CSMD1: variants seen among roughly 807,000 people sequenced by gnomAD.
CSMD1 encodes the protein CUB and sushi domain-containing protein 1.
CSMD1 carries 213 observed loss-of-function variants against 417.5 expected under a neutral mutation model. The observed-to-expected ratio is 0.51, with a 90% CI of 0.46 to 0.57. The LOEUF (loss-of-function observed/expected upper bound fraction) is 0.57, where lower values mean the gene tolerates loss of function less well. Among genes scored for constraint, CSMD1 ranks in the 20% least tolerant of loss-of-function variants. The pLI, the probability that CSMD1 is intolerant of heterozygous loss-of-function variation, is 0.00. For synonymous variants in CSMD1, 2,862 were observed against 1,736.8 expected, an observed-to-expected ratio of 1.65 and a Z score of -16.11; for missense variants, 6,923 against 4,529.7, an observed-to-expected ratio of 1.53 and a Z score of -15.17.
chr8:4,910,817 TTAGA>T (rs910914377), intron 1 of CSMD1, among the ~76,000 whole-genome samples: 20 of 152,196 alleles, frequency 1.3e-4, no homozygotes, highest in African/African-American at 4.6e-4. Context: ...ATAAATGTCA[TTAGA>T]TAGTCATCAA....
intron 3 of CSMD1, among the ~76,000 whole-genome samples, chr8:4,041,098 G>C (rs1277084132): frequency 4.3e-5 from 6 of 140,158 alleles, no homozygotes; most frequent in Non-Finnish European, 9.1e-5. Flanking sequence ...CTCACTGCAA[G>C]CTCCGCCTCC....
At chr8:3,962,981 G>C (rs1167840418) in intron 5 of CSMD1, among the ~76,000 whole-genome samples, 3 of 152,114 alleles carry the variant, frequency 2.0e-5, no homozygotes, top group Non-Finnish European at 2.9e-5. Context: ...CCGTCACCCA[G>C]GCTGGAGTGC....
intron 23 of CSMD1, among the ~76,000 whole-genome samples, chr8:3,314,269 C>T (rs1351694177): frequency 1.3e-5 from 2 of 152,152 alleles, no homozygotes; most frequent in East Asian, 3.9e-4. Flanking sequence ...AAAAATAAAT[C>T]TCAAGTTTTT....
chr8:4,887,250 G>T (rs1392483979), intron 1 of CSMD1, among the ~76,000 whole-genome samples: 2 of 151,944 alleles, frequency 1.3e-5, no homozygotes, highest in Non-Finnish European at 2.9e-5. Flanking sequence ...TTAGTTGTAT[G>T]CTGTTTAATT....
chr8:3,142,235 C>A (rs1818547844), intron 41 of CSMD1, among the ~76,000 whole-genome samples: 3 of 152,162 alleles, frequency 2.0e-5, no homozygotes, highest in African/African-American at 4.8e-5. Context: ...GATAAATCGG[C>A]TCTGTCTGGG....
chr8:3,715,635 C>G (rs568016577), intron 6 of CSMD1, among the ~76,000 whole-genome samples: 1 of 152,138 alleles, frequency 6.6e-6, no homozygotes, highest in African/African-American at 2.4e-5. Context: ...CTCCACCTCC[C>G]GGGTTCAAGT....
intron 5 of CSMD1, among the ~76,000 whole-genome samples, chr8:3,778,662 G>C (rs1799020263): frequency 6.6e-6 from 1 of 152,146 alleles, no homozygotes; most frequent in South Asian, 2.1e-4. Context: ...GTTGTTTCTG[G>C]ACCAGAGCTT....
intron 3 of CSMD1, among the ~76,000 whole-genome samples, chr8:4,199,140 A>G (rs1464844876): frequency 6.6e-6 from 1 of 152,172 alleles, no homozygotes; most frequent in African/African-American, 2.4e-5. Flanking sequence ...TATTTGTATG[A>G]GACTGCAGAA....
intron 26 of CSMD1, 24 bp downstream of exon 26, chr8:3,284,120 G>A (rs1584928070): frequency 2.0e-6 from 3 of 1,532,774 alleles, no homozygotes; most frequent in African/African-American, 1.4e-5. Flanking sequence ...TCAAGGTAAA[G>A]AAGAAGCACG....
At chr8:4,560,144 A>G (rs1044735857) in intron 2 of CSMD1, among the ~76,000 whole-genome samples, 2 of 152,230 alleles carry the variant, frequency 1.3e-5, no homozygotes, top group East Asian at 3.9e-4. Flanking sequence ...GAAGCAGCAT[A>G]TGCTGAGAAA....
intron 1 of CSMD1, among the ~76,000 whole-genome samples, chr8:4,868,215 T>C (rs1209910519): frequency 1.3e-5 from 2 of 152,106 alleles, no homozygotes; most frequent in African/African-American, 4.8e-5. Flanking sequence ...GCCTACTCTG[T>C]ATGTTATTTT....
chr8:3,202,742 A>T (rs1057021232), intron 31 of CSMD1, among the ~76,000 whole-genome samples: 1 of 152,230 alleles, frequency 6.6e-6, no homozygotes, highest in African/African-American at 2.4e-5. Flanking sequence ...GAAGTAATCT[A>T]ACTGTAACAG....
At chr8:2,952,641 CTTTA>C (rs1429838929) in intron 65 of CSMD1, among the ~76,000 whole-genome samples, 1 of 152,082 alleles carries the variant, frequency 6.6e-6, no homozygotes, top group Admixed American at 6.6e-5. Context: ...CTCAAAATAA[CTTTA>C]TTTTCCATTA....
intron 10 of CSMD1, among the ~76,000 whole-genome samples, chr8:3,504,695 A>T (rs1486713044): frequency 6.6e-6 from 1 of 152,186 alleles, no homozygotes; most frequent in African/African-American, 2.4e-5. Flanking sequence ...AATTCCCGGC[A>T]AATTTTATCA....
chr8:3,935,456 T>C (rs1180465236), intron 5 of CSMD1, among the ~76,000 whole-genome samples: 1 of 152,196 alleles, frequency 6.6e-6, no homozygotes, highest in Non-Finnish European at 1.5e-5. Flanking sequence ...CAACCCGACA[T>C]TAAACAGGTC....
intron 11 of CSMD1, among the ~76,000 whole-genome samples, chr8:3,479,670 G>T (rs537514192): frequency 6.6e-6 from 1 of 152,142 alleles, no homozygotes; most frequent in Non-Finnish European, 1.5e-5. Context: ...AATATAAATA[G>T]TACCTAGCAA....
chr8:4,413,421 C>A (rs188502887), intron 3 of CSMD1, among the ~76,000 whole-genome samples: 6 of 152,246 alleles, frequency 3.9e-5, no homozygotes, highest in Admixed American at 3.9e-4. Context: ...AAATTTGTTT[C>A]TTTAGGGCAG....
intron 49 of CSMD1, among the ~76,000 whole-genome samples, chr8:3,074,847 G>C (rs1813538935): frequency 6.6e-6 from 1 of 152,130 alleles, no homozygotes; most frequent in African/African-American, 2.4e-5. Context: ...ATAGATTATA[G>C]ATATAATAGA....
At chr8:4,831,304 T>C (rs969733382) in intron 1 of CSMD1, among the ~76,000 whole-genome samples, 1 of 152,160 alleles carries the variant, frequency 6.6e-6, no homozygotes, top group Non-Finnish European at 1.5e-5. Flanking sequence ...TTACTTTGGA[T>C]CACATCTTCT....
Sources: allele counts gnomAD v4.1 joint callset (sites outside exome capture counted in the v4.1 genomes callset), GRCh38; gene constraint gnomAD v4.1.1; transcripts MANE v1.5; gene names NCBI Gene and HGNC (gene_info 2026-07-23, HGNC 2026-07-21).